HDAC11: variants seen among roughly 807,000 people sequenced by gnomAD.
HDAC11 encodes the protein histone deacetylase 11.
A neutral mutation model predicts 41.1 loss-of-function variants in HDAC11; 23 were observed. The observed-to-expected ratio is 0.56, with a 90% CI of 0.40 to 0.79. The LOEUF (loss-of-function observed/expected upper bound fraction) is 0.79, where lower values mean the gene tolerates loss of function less well. HDAC11 is among the 30% of genes least tolerant of loss of function. The pLI is 0.00. For missense variants in HDAC11, 402 were observed against 477.3 expected (o/e 0.84, Z 1.47); for synonymous variants, 187 against 186.6 (o/e 1.00, Z -0.02).
intron 3 of HDAC11, among the ~76,000 whole-genome samples, chr3:13,494,892 G>A (rs1702023882): frequency 1.3e-5 from 2 of 151,978 alleles, no homozygotes; most frequent in South Asian, 2.1e-4. Flanking sequence ...CCTGCCTTTT[G>A]TCCGGCCCTG....
chr3:13,504,975 A>G lies in HDAC11; in HGVS notation c.*292A>G, dbSNP rs1411768396. 8.0e-6 allele frequency: 4 copies of G among 502,768 alleles called. No homozygotes were observed. Among genetic ancestry groups the G allele is most frequent in the African/African-American group, 7.7e-5 (4 of 51,828 alleles). 31.1% of individuals were successfully genotyped at this position (502,768 alleles called of 1,614,324 possible). On this transcript the variant is annotated 3_prime_UTR_variant, in exon 10 of 10. Transcript: ENST00000295757. ...GGCAGTTAACTGAGAATTGGAGAGG[A>G]CAGGCTAGGTCCCAGGCACAGCGAG... is the stretch of plus-strand genomic sequence containing the variant.
intron 5 of HDAC11, among the ~76,000 whole-genome samples, chr3:13,499,486 C>G (rs1702255314): frequency 6.6e-6 from 1 of 152,184 alleles, no homozygotes; most frequent in Non-Finnish European, 1.5e-5. Context: ...CACCCAGACT[C>G]TTATTTGAGC....
intron 3 of HDAC11, among the ~76,000 whole-genome samples, chr3:13,495,711 G>T (rs1702067812): frequency 1.3e-5 from 2 of 152,152 alleles, no homozygotes; most frequent in African/African-American, 2.4e-5. Flanking sequence ...AGCTCAGCCT[G>T]CCCTGTTCCA....
At chr3:13,493,011 A>T (rs1701934393) in intron 3 of HDAC11, among the ~76,000 whole-genome samples, 2 of 152,300 alleles carry the variant, frequency 1.3e-5, no homozygotes, top group South Asian at 4.1e-4. Context: ...AGTTTGGGGA[A>T]CTTCTGAGCC....
chr3:13,504,032 T>G (rs756243206), intron 8 of HDAC11, 62 bp from the exon 9 acceptor site: 1 of 1,507,292 alleles, frequency 6.6e-7, no homozygotes, highest in Non-Finnish European at 9.1e-7. Flanking sequence ...GTGTCCACAG[T>G]CTTGTCCTGA....
intron 3 of HDAC11, among the ~76,000 whole-genome samples, chr3:13,484,186 A>G (rs1352158365): frequency 6.6e-6 from 1 of 151,848 alleles, no homozygotes; most frequent in Non-Finnish European, 1.5e-5. Context: ...CTGGTCTCGA[A>G]CTCCTGAACT....
chr3:13,501,904 G>A lies in HDAC11; in HGVS notation c.523G>A (p.Ala175Thr), dbSNP rs1180108248. 2 of 1,613,978 alleles carry A rather than the reference G, an allele frequency of 1.2e-6. No homozygotes were observed. Among genetic ancestry groups the A allele is most frequent in the Admixed American group, 1.7e-5 (1 of 60,016 alleles). Residue 175 changes from alanine to threonine, a missense_variant, in exon 7 of 10, where the codon GCT becomes ACT. Physicochemically the swap from Ala to Thr is moderately conservative, Grantham distance 58. Coordinates refer to ENST00000295757, the MANE Select transcript of HDAC11 (RefSeq NM_024827.4). ...LFERVEGISR[A>T]TIIDLDAHQG... Reference sequence around the variant, plus strand: ...TGAGCGTGTGGAGGGCATCTCCAGGGCTACCATCATTGATCTTGATGCCCA... The same window carrying A: ...TGAGCGTGTGGAGGGCATCTCCAGGACTACCATCATTGATCTTGATGCCCA...
chr3:13,501,812 G>A, intron 6 of HDAC11, 59 bp from the exon 7 acceptor site: 2 of 1,526,266 alleles, frequency 1.3e-6, no homozygotes, highest in Non-Finnish European at 1.8e-6. Flanking sequence ...GGGAGTTGCT[G>A]TAGGGCTGGG....
At chr3:13,498,483 C>G in intron 4 of HDAC11, 30 bp from the exon 5 acceptor site, 2 of 1,613,690 alleles carry the variant, frequency 1.2e-6, no homozygotes, top group Non-Finnish European at 1.7e-6. Context: ...CGGCTGCCTG[C>G]GCCCCCTCAC....
intron 5 of HDAC11, 72 bp downstream of exon 5, chr3:13,498,627 A>G: frequency 9.3e-6 from 5 of 538,056 alleles, no homozygotes; most frequent in Admixed American, 2.1e-5. Flanking sequence ...GGGCTGGGGG[A>G]GGGCGGGAGG....
intron 3 of HDAC11, among the ~76,000 whole-genome samples, chr3:13,491,955 A>G (rs1300131908): frequency 7.2e-5 from 11 of 152,254 alleles, no homozygotes; most frequent in Non-Finnish European, 2.9e-5. Context: ...TTTCTGATCC[A>G]TGTTGTCTTG....
At chr3:13,495,173 C>G (rs987148850) in intron 3 of HDAC11, among the ~76,000 whole-genome samples, 2 of 152,114 alleles carry the variant, frequency 1.3e-5, no homozygotes, top group African/African-American at 4.8e-5. Flanking sequence ...AGCACTGCAC[C>G]TTAGGTCTTT....
rs1447531682 is a variant in HDAC11, at chr3:13,504,723, C to T, written c.*40C>T. The T allele has an allele frequency of 1.3e-6, 2 of 1,554,396 alleles. No individual in the cohort carries two copies. The highest frequency in any genetic ancestry group is 1.8e-6 in the Non-Finnish European group (2 of 1,127,752). On this transcript the variant is annotated 3_prime_UTR_variant, in exon 10 of 10. Transcript: ENST00000295757. The stretch of plus-strand genomic sequence containing the variant: ...CCTGTCACGTGGCCCTGCCTATCCG[C>T]CCCTTAGTGCTTTTTGTTTTCTAAC...
At position 13,505,046 on chromosome 3, in the gene HDAC11, G is replaced by A. The variant is rs1702556061; in HGVS notation, c.*363G>A. 1.3e-5 allele frequency: 4 copies of A among 317,082 alleles called. No individual in the cohort carries two copies. Among genetic ancestry groups the A allele is most frequent in the African/African-American group, 6.3e-5 (3 of 47,478 alleles). 19.6% of individuals were successfully genotyped at this position (317,082 alleles called of 1,614,324 possible). A position where few individuals can be genotyped will look rare whatever the true frequency, so the allele number is the denominator to read the frequency against. ...CTGGTTTTGAGAACGGCAGACCCAG[G>A]TCGGAGTGAGGAAGCTTCCACCTCC... On this transcript the variant is annotated 3_prime_UTR_variant, in exon 10 of 10. Coordinates refer to ENST00000295757, the MANE Select transcript of HDAC11 (RefSeq NM_024827.4).
Position 13,498,508 on chromosome 3 carries a change from CA to C in HDAC11, c.370-2del, listed in dbSNP as rs1191774150. 3.0e-5 allele frequency: 48 copies of C among 1,613,838 alleles called. No homozygotes were observed. Among genetic ancestry groups the C allele is most frequent in the Non-Finnish European group, 4.0e-5 (47 of 1,180,014 alleles). The stretch of plus-strand genomic sequence containing the variant: ...CGCCCCCTCACCCTCTGCTTGTCTC[CA>C]AAGGCGGGGAAGCTGGCTGTGGAGC... On this transcript the variant is annotated splice_region_variant and splice_polypyrimidine_tract_variant and intron_variant, in intron 4 of 9. Transcript: ENST00000295757.
intron 6 of HDAC11, among the ~76,000 whole-genome samples, chr3:13,500,997 G>A (rs1396871944): frequency 6.6e-6 from 1 of 152,324 alleles, no homozygotes; most frequent in Non-Finnish European, 1.5e-5. Context: ...AGGGTTGCCT[G>A]TGGTGGAAGG....
At chr3:13,494,636 G>A (rs947089188) in intron 3 of HDAC11, among the ~76,000 whole-genome samples, 12 of 152,026 alleles carry the variant, frequency 7.9e-5, no homozygotes, top group South Asian at 2.1e-4. Flanking sequence ...GTGGTGCCCC[G>A]TGGGCACCTC....
At chr3:13,487,358 C>T (rs1325181810) in intron 3 of HDAC11, among the ~76,000 whole-genome samples, 4 of 152,304 alleles carry the variant, frequency 2.6e-5, no homozygotes, top group South Asian at 4.1e-4. Flanking sequence ...TAACATCCAC[C>T]GTCTCCCCTG....
At chr3:13,487,340 G>A (rs892960644) in intron 3 of HDAC11, among the ~76,000 whole-genome samples, 1 of 152,176 alleles carries the variant, frequency 6.6e-6, no homozygotes, top group African/African-American at 2.4e-5. Context: ...CATTCTGTGT[G>A]TGCTGTGTAA....
Sources: gnomAD v4.1 joint callset for allele counts (sites outside exome capture counted in the v4.1 genomes callset) on GRCh38, gnomAD v4.1.1 for gene constraint, MANE v1.5 for transcripts, NCBI Gene and HGNC (gene_info 2026-07-23, HGNC 2026-07-21) for gene names.